Variants in SGCG observed in about 807,000 individuals in gnomAD.
The protein encoded by SGCG is gamma-sarcoglycan.
In SGCG, 26 loss-of-function variants were observed where a neutral mutation model predicts 29.3. That is an observed-to-expected ratio of 0.89 (90% CI 0.65 to 1.23). SGCG has a LOEUF of 1.23. SGCG is among the 50% of genes most tolerant of loss of function. The pLI is 0.00. For synonymous variants in SGCG, 145 were observed against 129.7 expected (o/e 1.12, Z -0.80); for missense variants, 353 against 356.0 (o/e 0.99, Z 0.07).
At position 23,248,699 on chromosome 13, in the gene SGCG, G is replaced by GA. The variant is rs1171271521; in HGVS notation, c.298-1920dup. On this transcript the variant is annotated intron_variant, in intron 3 of 7. Coordinates refer to ENST00000218867, the MANE Select transcript of SGCG (RefSeq NM_000231.3). ...GCGGAACTAGACTCCGTCTCAAAAA[G>GA]AAAAAAAAAAAGGCCGGGTTCGGTG... is the stretch of plus-strand genomic sequence containing the variant. 3.4e-4 allele frequency among the ~76,000 whole-genome samples: 34 copies of GA among 99,256 alleles called. 1 individual carries two copies. Among genetic ancestry groups the GA allele is most frequent in the Admixed American group, 3.4e-4 (3 of 8,726 alleles). The allele number at this position is 99,256 out of a possible 152,430, so 65.1% of individuals were successfully genotyped here. A position where few individuals can be genotyped will look rare whatever the true frequency, so the allele number is the denominator to read the frequency against.
chr13:23,207,039 G>C (rs1158686371), intron 2 of SGCG, among the ~76,000 whole-genome samples: 1 of 152,204 alleles, frequency 6.6e-6, no homozygotes, highest in Non-Finnish European at 1.5e-5. Flanking sequence ...AACAACGCTA[G>C]AGGCGTCATG....
At chr13:23,205,989 A>G (rs1344870295) in intron 2 of SGCG, among the ~76,000 whole-genome samples, 1 of 152,190 alleles carries the variant, frequency 6.6e-6, no homozygotes, top group African/African-American at 2.4e-5. Flanking sequence ...CATTATTCTC[A>G]ATGTGGAATG....
chr13:23,250,575 G>C, intron 3 of SGCG, 55 bp from the exon 4 acceptor site: 4 of 820,552 alleles, frequency 4.9e-6, no homozygotes, highest in Non-Finnish European at 6.3e-6. Flanking sequence ...GAATTATAAA[G>C]ATATAATCAT....
intron 2 of SGCG, among the ~76,000 whole-genome samples, chr13:23,225,970 C>T (rs1878879508): frequency 6.6e-6 from 1 of 152,092 alleles, no homozygotes; most frequent in Admixed American, 6.6e-5. Context: ...AGCTTGGCTC[C>T]CATTGTTCAT....
chr13:23,188,653 C>T (rs1877106434), intron 1 of SGCG, among the ~76,000 whole-genome samples: 2 of 152,136 alleles, frequency 1.3e-5, no homozygotes, highest in South Asian at 4.2e-4. Flanking sequence ...CGCATTCACT[C>T]ATCTAGTCCG....
At chr13:23,249,434 G>A (rs9552893) in intron 3 of SGCG, among the ~76,000 whole-genome samples, 12,800 of 152,178 alleles carry the variant, frequency 0.084, 654 homozygotes, top group Non-Finnish European at 0.11. Flanking sequence ...CTCAAAAGAA[G>A]CAAACTGCCC....
At chr13:23,214,686 G>C (rs1878358586) in intron 2 of SGCG, among the ~76,000 whole-genome samples, 1 of 152,138 alleles carries the variant, frequency 6.6e-6, no homozygotes, top group African/African-American at 2.4e-5. Flanking sequence ...TTGATTTTCA[G>C]CAGTGTGATA....
intron 4 of SGCG, among the ~76,000 whole-genome samples, chr13:23,252,777 T>G (rs1171916599): frequency 1.3e-5 from 2 of 152,128 alleles, no homozygotes; most frequent in Non-Finnish European, 2.9e-5. Flanking sequence ...GGGTGTGGAT[T>G]TTCGTATATT....
chr13:23,274,389 CTTTCTCTTTT>C, intron 4 of SGCG, among the ~76,000 whole-genome samples: 5 of 126,390 alleles, frequency 4.0e-5, no homozygotes, highest in Non-Finnish European at 8.3e-5. Context: ...TTCTTTCTTT[CTTTCTCTTTT>C]TTTTTTTTTT....
intron 6 of SGCG, among the ~76,000 whole-genome samples, chr13:23,302,767 T>C (rs1434567510): frequency 6.6e-6 from 1 of 152,166 alleles, no homozygotes; most frequent in Admixed American, 6.5e-5. Flanking sequence ...TTAAAAACTA[T>C]TTGATAGATC....
At chr13:23,212,392 A>ATTTTTGTTCATATACCTTTT (rs74387559) in intron 2 of SGCG, among the ~76,000 whole-genome samples, 4 of 151,634 alleles carry the variant, frequency 2.6e-5, no homozygotes, top group African/African-American at 9.7e-5. Flanking sequence ...GCACACCACA[A>ATTTTTGTTCATATACCTTTT]TTTTCTGGTT....
intron 6 of SGCG, among the ~76,000 whole-genome samples, chr13:23,302,756 T>C (rs1327988127): frequency 6.6e-6 from 1 of 152,188 alleles, no homozygotes; most frequent in African/African-American, 2.4e-5. Flanking sequence ...GTTGGAACTT[T>C]TTAAAAACTA....
At chr13:23,266,391 A>T (rs1039137977) in intron 4 of SGCG, among the ~76,000 whole-genome samples, 1 of 152,144 alleles carries the variant, frequency 6.6e-6, no homozygotes, top group Admixed American at 6.6e-5. Flanking sequence ...TGTCTTTTGC[A>T]GTGACTTGGA....
In SGCG at chr13:23,237,961, T is replaced by C. The variant is rs17314395; in HGVS notation, c.297+3249T>C. ...CTTAAAATAACATGAAATTATAAAA[T>C]CAGAAGAGAAATTACAGGGCAGAAA... On this transcript the variant is annotated intron_variant, in intron 3 of 7. Transcript: ENST00000218867. 2.6e-3 allele frequency among the ~76,000 whole-genome samples: 388 copies of C among 151,756 alleles called. 2 individuals are homozygous for C. The highest frequency in any genetic ancestry group is 3.4e-3 in the Non-Finnish European group (234 of 67,914).
chr13:23,308,839 C>T (rs1199690222), intron 6 of SGCG, among the ~76,000 whole-genome samples: 1 of 152,164 alleles, frequency 6.6e-6, no homozygotes, highest in Non-Finnish European at 1.5e-5. Context: ...GCTGGGATTG[C>T]AGGTGTGAAC....
intron 2 of SGCG, among the ~76,000 whole-genome samples, chr13:23,232,185 G>C (rs537872686): frequency 1.3e-5 from 2 of 151,882 alleles, no homozygotes; most frequent in South Asian, 4.2e-4. Context: ...ACCTAGCAGT[G>C]TGTGGGGCTT....
chr13:23,204,591 CTTTCTTTTCTTTCT>C (rs1460144443), intron 2 of SGCG, among the ~76,000 whole-genome samples: 1 of 130,358 alleles, frequency 7.7e-6, no homozygotes, highest in Non-Finnish European at 1.8e-5. Flanking sequence ...TCTTTCTTTT[CTTTCTTTTCTTTCT>C]TTTCTTTCTT....
At chr13:23,256,087 A>G (rs1292586916) in intron 4 of SGCG, among the ~76,000 whole-genome samples, 1 of 152,216 alleles carries the variant, frequency 6.6e-6, no homozygotes, top group Non-Finnish European at 1.5e-5. Flanking sequence ...AATAACCTAT[A>G]AATATTAAAG....
At chr13:23,173,490 T>C in the SGCG span, among the ~76,000 whole-genome samples, 2 of 152,214 alleles carry the variant, frequency 1.3e-5, no homozygotes, top group African/African-American at 4.8e-5. Context: ...GCCAACATAC[T>C]TTCAAAGTTC....
Sources: gnomAD v4.1 joint callset for allele counts (sites outside exome capture counted in the v4.1 genomes callset) on GRCh38, gnomAD v4.1.1 for gene constraint, MANE v1.5 for transcripts, NCBI Gene and HGNC (gene_info 2026-07-23, HGNC 2026-07-21) for gene names.